The following FHIT variants were observed in gnomAD, a reference collection of about 807,000 sequenced individuals.
The protein encoded by FHIT is bis(5'-adenosyl)-triphosphatase.
In FHIT, 19 loss-of-function variants were observed where a neutral mutation model predicts 17.9. The observed-to-expected ratio is 1.06, with a 90% CI of 0.74 to 1.56. FHIT has a LOEUF of 1.56. Ranked by LOEUF, FHIT falls within the 40% of genes most tolerant of loss-of-function variation. FHIT has a pLI of 0.00. For missense variants in FHIT, 248 were observed against 189.2 expected (o/e 1.31, Z -1.82); for synonymous variants, 81 against 69.7 (o/e 1.16, Z -0.81).
chr3:60,463,030 T>G (rs1293575698), intron 5 of FHIT, among the ~76,000 whole-genome samples: 1 of 152,150 alleles, frequency 6.6e-6, no homozygotes, highest in Non-Finnish European at 1.5e-5. Flanking sequence ...ATTCACCACC[T>G]GGAGGCAATG....
chr3:60,806,102 A>T (rs1456203860), intron 4 of FHIT, among the ~76,000 whole-genome samples: 1 of 152,230 alleles, frequency 6.6e-6, no homozygotes, highest in Non-Finnish European at 1.5e-5. Context: ...TGTTAGCAAA[A>T]GTTCAGAAAA....
intron 5 of FHIT, among the ~76,000 whole-genome samples, chr3:60,157,188 C>T (rs1700738223): frequency 2.0e-5 from 3 of 152,036 alleles, no homozygotes; most frequent in Admixed American, 2.0e-4. Flanking sequence ...CTAAGAGTTG[C>T]TAGAGTAATG....
intron 8 of FHIT, among the ~76,000 whole-genome samples, chr3:59,920,678 AATTT>A (rs1195633163): frequency 1.3e-5 from 2 of 152,222 alleles, no homozygotes; most frequent in African/African-American, 4.8e-5. Context: ...TTCACGTGCT[AATTT>A]ATTCATTAAA....
At chr3:60,425,871 T>C (rs2734373) in intron 5 of FHIT, among the ~76,000 whole-genome samples, 145,456 of 152,092 alleles carry the variant, frequency 0.96, 69,878 homozygotes, top group East Asian at 1. Flanking sequence ...TTGATAGCCA[T>C]CCCATATAAG....
intron 3 of FHIT, among the ~76,000 whole-genome samples, chr3:60,942,641 A>G (rs1708467593): frequency 6.6e-6 from 1 of 152,002 alleles, no homozygotes; most frequent in African/African-American, 2.4e-5. Context: ...TTTAGTCTTT[A>G]AAATAATCAT....
intron 5 of FHIT, among the ~76,000 whole-genome samples, chr3:60,114,001 CCAAAAAAAAAAAAAAAAAAAA>C (rs1704811420): frequency 5.6e-5 from 1 of 17,920 alleles, no homozygotes; most frequent in African/African-American, 4.6e-4. Context: ...GACCCCGTCT[CCAAAAAAAAAAAAAAAAAAAA>C]AAAAAAAAAA....
intron 5 of FHIT, among the ~76,000 whole-genome samples, chr3:60,306,390 T>C (rs954235296): frequency 3.3e-5 from 5 of 152,156 alleles, no homozygotes; most frequent in African/African-American, 1.2e-4. Flanking sequence ...GAAAACAAAT[T>C]TGCTTTGAAG....
At chr3:60,001,548 G>C (rs935929408) in intron 7 of FHIT, among the ~76,000 whole-genome samples, 1 of 152,174 alleles carries the variant, frequency 6.6e-6, no homozygotes, top group Non-Finnish European at 1.5e-5. Context: ...ATCGAGATCA[G>C]AGCGATTCAG....
intron 5 of FHIT, among the ~76,000 whole-genome samples, chr3:60,371,673 C>A (rs1234738534): frequency 1.3e-5 from 2 of 152,008 alleles, no homozygotes; most frequent in African/African-American, 2.4e-5. Context: ...TATAATAAAA[C>A]TGCAAATCTA....
chr3:60,988,912 C>CTTTTT (rs34551612), intron 3 of FHIT, among the ~76,000 whole-genome samples: 4 of 80,300 alleles, frequency 5.0e-5, no homozygotes, highest in Non-Finnish European at 8.7e-5. Flanking sequence ...TGTTAAAAGG[C>CTTTTT]TTTTTTTTTT....
At chr3:61,084,000 A>G (rs1471997318) in intron 2 of FHIT, among the ~76,000 whole-genome samples, 1 of 152,176 alleles carries the variant, frequency 6.6e-6, no homozygotes, top group East Asian at 1.9e-4. Flanking sequence ...ATATTTGGCT[A>G]TCCCAAAATC....
chr3:60,053,115 T>A (rs1030119859), intron 5 of FHIT, among the ~76,000 whole-genome samples: 4 of 151,970 alleles, frequency 2.6e-5, no homozygotes, highest in Non-Finnish European at 5.9e-5. Context: ...GGCTTCTGTA[T>A]CTTCTTTCCA....
intron 5 of FHIT, among the ~76,000 whole-genome samples, chr3:60,025,043 G>T (rs6803449): frequency 0.15 from 22,561 of 152,122 alleles, 1,988 homozygotes; most frequent in East Asian, 0.26. Flanking sequence ...CTTAACTAAT[G>T]GGGGCAAAAA....
chr3:60,283,880 GC>G (rs1188732130), intron 5 of FHIT, among the ~76,000 whole-genome samples: 1 of 152,046 alleles, frequency 6.6e-6, no homozygotes, highest in Non-Finnish European at 1.5e-5. Flanking sequence ...AGTTTCTAGG[GC>G]ACTGCAGAAA....
rs929723711 is a variant in FHIT, at chr3:60,925,077, A to G, written c.-110-103066T>C. On this transcript the variant is annotated intron_variant, in intron 3 of 9. Coordinates refer to ENST00000492590, the MANE Select transcript of FHIT (RefSeq NM_002012.4). ...GACTATGTGAAAAGACCAAATCTAC[A>G]TCTGACTGATGTACCTGAAAGTGAC... is the stretch of plus-strand genomic sequence containing the variant. Among the ~76,000 whole-genome samples the G allele has an allele frequency of 3.3e-5, 5 of 152,210 alleles. No individual in the cohort carries two copies. In the East Asian group the frequency reaches 9.6e-4, roughly 29 times the overall value.
chr3:61,170,958 A>T (rs897473193), intron 2 of FHIT, among the ~76,000 whole-genome samples: 3 of 152,202 alleles, frequency 2.0e-5, no homozygotes, highest in African/African-American at 7.2e-5. Context: ...TACCCAAAAA[A>T]TACCAATGGG....
At chr3:60,807,697 T>C (rs1701445668) in intron 4 of FHIT, among the ~76,000 whole-genome samples, 1 of 152,226 alleles carries the variant, frequency 6.6e-6, no homozygotes. Context: ...AAGTGATCGA[T>C]TGTCACCACC....
Position 60,562,095 on chromosome 3 carries a change from G to C in FHIT, c.-17-25116C>G, listed in dbSNP as rs80166395. ...TTTATTCAACATCTACTATGTGCCA[G>C]ACCCTGTGTTAGATGCTAGGGATAC... On this transcript the variant is annotated intron_variant, in intron 4 of 9. Transcript: ENST00000492590. 4.5e-3 allele frequency among the ~76,000 whole-genome samples: 688 copies of C among 152,246 alleles called. 6 individuals are homozygous for C. Among genetic ancestry groups the C allele is most frequent in the African/African-American group, 0.016 (644 of 41,536 alleles).
intron 4 of FHIT, among the ~76,000 whole-genome samples, chr3:60,694,199 T>G (rs899149015): frequency 2.0e-5 from 3 of 152,082 alleles, no homozygotes; most frequent in Non-Finnish European, 4.4e-5. Flanking sequence ...TTTACTGTTT[T>G]CTCTGGGCAT....
Sources: allele counts gnomAD v4.1 joint callset (sites outside exome capture counted in the v4.1 genomes callset), GRCh38; gene constraint gnomAD v4.1.1; transcripts MANE v1.5; gene names NCBI Gene and HGNC (gene_info 2026-07-23, HGNC 2026-07-21).